Variants in ADAM19 observed in about 807,000 individuals in gnomAD.
ADAM19 encodes disintegrin and metalloproteinase domain-containing protein 19.
A neutral mutation model predicts 114.7 loss-of-function variants in ADAM19; 65 were observed. The observed-to-expected ratio is 0.57, with a 90% confidence interval of 0.46 to 0.70. The LOEUF (loss-of-function observed/expected upper bound fraction) is 0.70, where lower values mean the gene tolerates loss of function less well. Among genes scored for constraint, ADAM19 ranks in the 30% least tolerant of loss-of-function variants. ADAM19 has a pLI of 0.00. For synonymous variants in ADAM19, 466 were observed against 460.5 expected, an observed-to-expected ratio of 1.01 and a Z score of -0.15; for missense variants, 1,063 against 1,204.7, an observed-to-expected ratio of 0.88 and a Z score of 1.74.
At position 157,575,670 on chromosome 5, in the gene ADAM19, C is replaced by T. The variant is rs751250607; in HGVS notation, c.27G>A (p.Arg9=). 38 of 1,359,204 alleles carry T rather than the reference C, an allele frequency of 2.8e-5. No individual in the cohort carries two copies. The African/African-American group carries it at 3.8e-4, about 14-fold the overall frequency. 84.2% of individuals were successfully genotyped at this position (1,359,204 alleles called of 1,614,324 possible). MPGGAGAA[R]LCLLAFALQP... ...GCAGGGCAAACGCCAGCAAGCAGAGCCGGGCGGCGCCTGCGCCCCCTGGCA... is the reference window on the plus strand; with the variant it reads ...GCAGGGCAAACGCCAGCAAGCAGAGTCGGGCGGCGCCTGCGCCCCCTGGCA... The change falls in exon 1 of 23, where the codon CGG becomes CGA. Residue 9 remains arginine, a synonymous_variant. Coordinates refer to ENST00000257527, the MANE Select transcript of ADAM19 (RefSeq NM_033274.5).
At chr5:157,537,876 A>C in intron 4 of ADAM19, 37 bp downstream of exon 4, 1 of 1,566,398 alleles carries the variant, frequency 6.4e-7, no homozygotes, top group Non-Finnish European at 8.8e-7. Context: ...CTGGGAGAGG[A>C]CAGCTGCTGG....
At chr5:157,528,069 C>T (rs771798484) in intron 5 of ADAM19, among the ~76,000 whole-genome samples, 27 of 152,260 alleles carry the variant, frequency 1.8e-4, no homozygotes, top group Non-Finnish European at 2.8e-4. Context: ...TGCAGCAGTG[C>T]TTTATGAGCT....
chr5:157,511,190 CTT>C (rs1280303449), intron 8 of ADAM19, among the ~76,000 whole-genome samples: 5 of 152,164 alleles, frequency 3.3e-5, no homozygotes, highest in African/African-American at 1.2e-4. Context: ...GAGCCAGTGA[CTT>C]AATAAAAAGC....
rs138350642 is a variant in ADAM19, at chr5:157,552,569, C to T, written c.251+11804G>A. Among the ~76,000 whole-genome samples, 654 of 150,692 alleles carry T rather than the reference C, an allele frequency of 4.3e-3. 5 individuals are homozygous for T. Among genetic ancestry groups the T allele is most frequent in the African/African-American group, 0.015 (609 of 41,034 alleles). Reference sequence around the variant, plus strand: ...TGGTGTGTGCCTGTAGTCCCAGCTACTCGGGAGGCTGAGACAGGAGAATTG... The same window carrying T: ...TGGTGTGTGCCTGTAGTCCCAGCTATTCGGGAGGCTGAGACAGGAGAATTG... On this transcript the variant is annotated intron_variant, in intron 3 of 22. Coordinates refer to ENST00000257527, the MANE Select transcript of ADAM19 (RefSeq NM_033274.5).
chr5:157,563,596 G>A (rs1027080948), intron 3 of ADAM19, among the ~76,000 whole-genome samples: 1 of 152,190 alleles, frequency 6.6e-6, no homozygotes, highest in African/African-American at 2.4e-5. Context: ...CGACGTCTGT[G>A]TGGCAGAACG....
In ADAM19 at chr5:157,480,979, C is replaced by A. The variant is rs769810324; in HGVS notation, c.2727G>T (p.Arg909Ser). 6.2e-7 allele frequency: 1 copy of A among 1,614,154 alleles called. No individual in the cohort carries two copies. Among genetic ancestry groups the A allele is most frequent in the Admixed American group, 1.7e-5 (1 of 60,020 alleles). ...APKFPEYRSQ[R>S]AGGMISSKI ...TTTTCGAGCTAATCATCCCTCCAGCCCTCTGTGATCTGTATTCTGGAAACT... is the reference window on the plus strand; with the variant it reads ...TTTTCGAGCTAATCATCCCTCCAGCACTCTGTGATCTGTATTCTGGAAACT... Residue 909 changes from arginine (R) to serine (S), a missense_variant, in exon 23 of 23, where the codon AGG becomes AGT. Arg to Ser is a moderately radical substitution (Grantham distance 110, BLOSUM62 -1). This residue lies in a region of ADAM19 where 424 missense variants were observed against 445.5 expected (regional missense o/e 0.95). Transcript: ENST00000257527.
intron 14 of ADAM19, among the ~76,000 whole-genome samples, chr5:157,495,933 C>CTTTTTTT (rs57078206): frequency 2.6e-5 from 2 of 75,878 alleles, no homozygotes; most frequent in African/African-American, 1.0e-4. Context: ...TGTGCCCAGT[C>CTTTTTTT]TTTTTTTTTT....
At chr5:157,526,171 TATACACACACACAC>T (rs1756449266) in intron 5 of ADAM19, among the ~76,000 whole-genome samples, 1 of 147,732 alleles carries the variant, frequency 6.8e-6, no homozygotes, top group African/African-American at 2.6e-5. Flanking sequence ...TATATATATA[TATACACACACACAC>T]ACACACACAC....
chr5:157,520,965 T>C (rs1756269936), intron 5 of ADAM19, among the ~76,000 whole-genome samples: 1 of 152,230 alleles, frequency 6.6e-6, no homozygotes, highest in African/African-American at 2.4e-5. Context: ...CCAGGTATCA[T>C]GCCAGTTGCT....
Position 157,537,411 on chromosome 5 carries a change from T to C in ADAM19, c.330+502A>G, listed in dbSNP as rs11465277. On this transcript the variant is annotated intron_variant, in intron 4 of 22. Coordinates refer to ENST00000257527, the MANE Select transcript of ADAM19 (RefSeq NM_033274.5). Reference sequence around the variant, plus strand: ...AAAAACAACTTTGAGGGAAAAAATGTCCAATATGAATATAGAAGCAAAATA... The same window carrying C: ...AAAAACAACTTTGAGGGAAAAAATGCCCAATATGAATATAGAAGCAAAATA... Among the ~76,000 whole-genome samples the C allele has an allele frequency of 4.0e-3, 615 of 152,278 alleles. 4 individuals are homozygous for C. Among genetic ancestry groups the C allele is most frequent in the African/African-American group, 0.014 (580 of 41,550 alleles).
chr5:157,482,605 T>G (rs1023423933), intron 21 of ADAM19, among the ~76,000 whole-genome samples: 3 of 152,228 alleles, frequency 2.0e-5, no homozygotes, highest in African/African-American at 7.2e-5. Flanking sequence ...GGATCCAGTT[T>G]CAGCTTTCTG....
intron 4 of ADAM19, 42 bp from the exon 5 acceptor site, chr5:157,530,925 T>A (rs768229346): frequency 6.6e-7 from 1 of 1,520,026 alleles, no homozygotes; most frequent in Non-Finnish European, 9.1e-7. Flanking sequence ...AGAACACTGA[T>A]AAGCATGGCA....
intron 14 of ADAM19, among the ~76,000 whole-genome samples, chr5:157,496,177 C>T (rs1011573404): frequency 2.0e-5 from 3 of 151,924 alleles, no homozygotes; most frequent in Admixed American, 6.6e-5. Flanking sequence ...CTGTTCTACA[C>T]CTTGCATTTT....
chr5:157,541,867 C>T (rs78302863), intron 3 of ADAM19, among the ~76,000 whole-genome samples: 2,493 of 152,308 alleles, frequency 0.016, 57 homozygotes, highest in African/African-American at 0.057. Context: ...AACCTTCTTC[C>T]TCCTGCTTCA....
intron 7 of ADAM19, among the ~76,000 whole-genome samples, chr5:157,514,265 G>A (rs1367246362): frequency 1.3e-5 from 2 of 151,996 alleles, no homozygotes; most frequent in East Asian, 3.8e-4. Flanking sequence ...TCCACTGGCA[G>A]TGCCTTCTAC....
At chr5:157,538,557 G>T (rs1756829539) in intron 3 of ADAM19, among the ~76,000 whole-genome samples, 1 of 152,226 alleles carries the variant, frequency 6.6e-6, no homozygotes, top group Non-Finnish European at 1.5e-5. Context: ...CTGTTCTTCT[G>T]TTCCTGCTAC....
Position 157,477,346 on chromosome 5 carries a change from A to G in ADAM19, c.*3603T>C. On this transcript the variant is annotated 3_prime_UTR_variant, in exon 23 of 23. Coordinates refer to ENST00000257527, the MANE Select transcript of ADAM19 (RefSeq NM_033274.5). ...AACAATTCATTTTTAATTAAATACT[A>G]ACAAGGAAAAAAGGCACCATGGCCC... The G allele has an allele frequency of 2.0e-6, 2 of 996,592 alleles. No individual in the cohort carries two copies. Among genetic ancestry groups the G allele is most frequent in the Non-Finnish European group, 2.4e-6 (2 of 835,850 alleles). The allele number at this position is 996,592 out of a possible 1,614,324, so 61.7% of individuals were successfully genotyped here.
intron 5 of ADAM19, among the ~76,000 whole-genome samples, chr5:157,530,440 C>T (rs921475803): frequency 2.0e-5 from 3 of 152,206 alleles, no homozygotes; most frequent in South Asian, 2.1e-4. Context: ...TCCCTCTGCC[C>T]GCTGACCAAC....
At chr5:157,502,247 G>A (rs73309978) in intron 12 of ADAM19, among the ~76,000 whole-genome samples, 2,574 of 152,198 alleles carry the variant, frequency 0.017, 98 homozygotes, top group African/African-American at 0.06. Context: ...AAAAATGACC[G>A]GGCTCTGCCG....
Sources: allele counts gnomAD v4.1 joint callset (sites outside exome capture counted in the v4.1 genomes callset), GRCh38; gene constraint gnomAD v4.1.1; regional missense constraint gnomAD v4.1.1; transcripts MANE v1.5; gene names NCBI Gene and HGNC (gene_info 2026-07-23, HGNC 2026-07-21).